Variants in ZDHHC11B observed in about 807,000 individuals in gnomAD.
ZDHHC11B encodes the protein probable palmitoyltransferase ZDHHC11B.
Under a neutral mutation model 42.3 loss-of-function variants are expected in ZDHHC11B, and 17 were observed. The ratio of observed to expected loss-of-function variants is 0.40; its 90% CI spans 0.27 to 0.60. The LOEUF is 0.60. ZDHHC11B is among the 20% of genes least tolerant of loss of function. The pLI is 0.41. For missense variants in ZDHHC11B, 262 were observed against 463.2 expected (o/e 0.57, Z 3.99); for synonymous variants, 123 against 193.5 (o/e 0.64, Z 3.02).
At chr5:780,421 T>C (rs1314743327) in intron 1 of ZDHHC11B, among the ~76,000 whole-genome samples, 3 of 151,266 alleles carry the variant, frequency 2.0e-5, no homozygotes, top group African/African-American at 7.4e-5. Context: ...CACGAGCACC[T>C]GGGGCTCCTC....
intron 13 of ZDHHC11B, among the ~76,000 whole-genome samples, chr5:713,613 GGGAATGACCAGTTCA>G (rs1199717781): frequency 6.6e-6 from 1 of 151,988 alleles, no homozygotes; most frequent in Non-Finnish European, 1.5e-5. Flanking sequence ...CTTGGCTCCT[GGGAATGACCAGTTCA>G]GAATCACTCT....
intron 4 of ZDHHC11B, among the ~76,000 whole-genome samples, chr5:757,855 G>A (rs1371599296): frequency 1.9e-4 from 29 of 151,964 alleles, no homozygotes; most frequent in African/African-American, 4.8e-4. Flanking sequence ...GTGCAGCAAC[G>A]GGGCCAGCCA....
At chr5:729,547 C>CAA (rs1468560349) in intron 12 of ZDHHC11B, among the ~76,000 whole-genome samples, 4 of 93,374 alleles carry the variant, frequency 4.3e-5, no homozygotes, top group South Asian at 2.8e-4. Flanking sequence ...TGACTGTGTG[C>CAA]GAGTGTGTGT....
intron 6 of ZDHHC11B, among the ~76,000 whole-genome samples, chr5:754,288 AG>A (rs1243718209): frequency 3.1e-5 from 4 of 128,180 alleles, no homozygotes; most frequent in Admixed American, 8.8e-5. Context: ...CACCGTGCTC[AG>A]GGGAAACACC....
intron 11 of ZDHHC11B, among the ~76,000 whole-genome samples, chr5:733,378 A>C (rs1483625136): frequency 6.6e-6 from 1 of 151,786 alleles, no homozygotes; most frequent in African/African-American, 2.4e-5. Flanking sequence ...AAAACACAGC[A>C]TGTGGCTTCT....
At chr5:764,440 G>A (rs1358466123) in intron 4 of ZDHHC11B, among the ~76,000 whole-genome samples, 19 of 151,880 alleles carry the variant, frequency 1.3e-4, no homozygotes, top group African/African-American at 1.7e-4. Flanking sequence ...TGGGCTCAGC[G>A]GGCCCTGCAC....
At chr5:733,566 C>G (rs1438762902) in intron 11 of ZDHHC11B, among the ~76,000 whole-genome samples, 186 bp downstream of exon 11, 2 of 151,552 alleles carry the variant, frequency 1.3e-5, no homozygotes, top group African/African-American at 2.4e-5. Flanking sequence ...AGCTGGGAAG[C>G]ATTCCTGCCT....
At chr5:765,701 C>T (rs1010428073) in intron 4 of ZDHHC11B, among the ~76,000 whole-genome samples, 2 of 151,908 alleles carry the variant, frequency 1.3e-5, no homozygotes, top group Non-Finnish European at 2.9e-5. Context: ...TTTATGAGCT[C>T]TAACACTCGC....
chr5:776,481 G>A (rs1195134601), intron 1 of ZDHHC11B, among the ~76,000 whole-genome samples: 4 of 151,938 alleles, frequency 2.6e-5, no homozygotes, highest in Non-Finnish European at 5.9e-5. Flanking sequence ...GGCCAGCAGG[G>A]CTGAGGGGAA....
intron 13 of ZDHHC11B, among the ~76,000 whole-genome samples, chr5:716,208 T>G (rs1579228518): frequency 1.3e-5 from 2 of 151,242 alleles, no homozygotes; most frequent in Non-Finnish European, 3.0e-5. Flanking sequence ...TGCCCCTCTG[T>G]TTTCAAGTGC....
At chr5:712,480 AG>A (rs1385010651) in intron 13 of ZDHHC11B, among the ~76,000 whole-genome samples, 198 bp from the exon 14 acceptor site, 1 of 137,168 alleles carries the variant, frequency 7.3e-6, no homozygotes, top group African/African-American at 2.8e-5. Flanking sequence ...CTCCCGAGCC[AG>A]GCTCCTGCCC....
intron 6 of ZDHHC11B, among the ~76,000 whole-genome samples, chr5:754,727 C>T (rs1243655156): frequency 9.4e-6 from 1 of 106,606 alleles, no homozygotes; most frequent in Non-Finnish European, 2.1e-5. Context: ...GGTCAGGAGG[C>T]CTCAGCCAGC....
chr5:749,431 A>G (rs1167181084), intron 7 of ZDHHC11B, among the ~76,000 whole-genome samples: 4 of 129,960 alleles, frequency 3.1e-5, no homozygotes, highest in African/African-American at 1.0e-4. Context: ...TCTTTGGGTG[A>G]CGGACCCTCT....
intron 9 of ZDHHC11B, among the ~76,000 whole-genome samples, chr5:744,559 G>A (rs1311164975): frequency 6.7e-6 from 1 of 148,976 alleles, no homozygotes; most frequent in Non-Finnish European, 1.5e-5. Flanking sequence ...ACCGGAAAGG[G>A]AACTAACTTC....
intron 9 of ZDHHC11B, among the ~76,000 whole-genome samples, chr5:744,034 AT>A: frequency 6.7e-6 from 1 of 150,048 alleles, no homozygotes; most frequent in East Asian, 2.0e-4. Context: ...GTTAAAAATC[AT>A]GAATGGGAAC....
intron 1 of ZDHHC11B, among the ~76,000 whole-genome samples, chr5:771,842 G>A (rs1400569778): frequency 2.7e-5 from 4 of 145,564 alleles, no homozygotes; most frequent in Non-Finnish European, 6.1e-5. Context: ...CCTGAACAGA[G>A]ACCCTTATTC....
intron 1 of ZDHHC11B, among the ~76,000 whole-genome samples, chr5:780,265 C>T (rs1237748369): frequency 6.6e-6 from 1 of 151,050 alleles, no homozygotes; most frequent in African/African-American, 2.4e-5. Context: ...CTCATGACCA[C>T]ATGCCCCAAA....
intron 1 of ZDHHC11B, among the ~76,000 whole-genome samples, chr5:780,940 C>A (rs1253171647): frequency 6.7e-6 from 1 of 149,102 alleles, no homozygotes; most frequent in Admixed American, 6.8e-5. Context: ...AGGTTACCTG[C>A]GAGATGCCAT....
At chr5:738,681 TC>T (rs1434227480) in intron 10 of ZDHHC11B, among the ~76,000 whole-genome samples, 3 of 139,830 alleles carry the variant, frequency 2.1e-5, no homozygotes, top group African/African-American at 7.9e-5. Context: ...ACAAAAGACA[TC>T]AAGTGGGGAA....
Sources: allele counts gnomAD v4.1 joint callset (sites outside exome capture counted in the v4.1 genomes callset), GRCh38; gene constraint gnomAD v4.1.1; transcripts MANE v1.5; gene names NCBI Gene and HGNC (gene_info 2026-07-23, HGNC 2026-07-21).